The following GRID2 variants were observed in gnomAD, a reference collection of about 807,000 sequenced individuals.
The protein encoded by GRID2 is glutamate receptor ionotropic, delta-2.
A neutral mutation model predicts 114.8 loss-of-function variants in GRID2; 33 were observed. That is an observed-to-expected ratio of 0.29 (90% CI 0.22 to 0.38). The LOEUF is 0.38. GRID2 is among the 10% of genes least tolerant of loss of function. The pLI, the probability that GRID2 is intolerant of heterozygous loss-of-function variation, is 1.00. For synonymous variants in GRID2, 505 were observed against 449.9 expected, an observed-to-expected ratio of 1.12 and a Z score of -1.55; for missense variants, 1,184 against 1,257.7, an observed-to-expected ratio of 0.94 and a Z score of 0.89.
chr4:92,447,258 GA>G (rs2149074932), intron 1 of GRID2, among the ~76,000 whole-genome samples: 1 of 152,136 alleles, frequency 6.6e-6, no homozygotes, highest in Non-Finnish European at 1.5e-5. Context: ...TTCTATAAGT[GA>G]AAAAAACTAG....
At chr4:92,481,981 G>GAT (rs35103752) in intron 1 of GRID2, among the ~76,000 whole-genome samples, 510 of 46,556 alleles carry the variant, frequency 0.011, 2 homozygotes, top group Non-Finnish European at 0.014. Context: ...AATAAAATGT[G>GAT]ATATATATAT....
intron 12 of GRID2, among the ~76,000 whole-genome samples, chr4:93,498,973 G>A (rs1051470804): frequency 6.6e-6 from 1 of 151,728 alleles, no homozygotes; most frequent in Admixed American, 6.6e-5. Flanking sequence ...TTTTCCATGT[G>A]TTTTTCGTCA....
chr4:93,000,667 A>G (rs1242050703), intron 2 of GRID2, among the ~76,000 whole-genome samples: 1 of 151,576 alleles, frequency 6.6e-6, no homozygotes, highest in Non-Finnish European at 1.5e-5. Flanking sequence ...TTTACCTATA[A>G]TATTTTTCTA....
chr4:92,605,547 A>G (rs929723448), intron 2 of GRID2, among the ~76,000 whole-genome samples: 2 of 152,240 alleles, frequency 1.3e-5, no homozygotes, highest in Admixed American at 6.6e-5. Context: ...TTTAAAATCA[A>G]GGGCTCATTT....
chr4:92,502,845 A>G (rs1723756723), intron 1 of GRID2, among the ~76,000 whole-genome samples: 1 of 150,334 alleles, frequency 6.7e-6, no homozygotes, highest in Non-Finnish European at 1.5e-5. Flanking sequence ...AGCCTACTGA[A>G]TAGCTGGGAT....
At chr4:92,888,084 A>G (rs1746499578) in intron 2 of GRID2, among the ~76,000 whole-genome samples, 1 of 152,204 alleles carries the variant, frequency 6.6e-6, no homozygotes, top group South Asian at 2.1e-4. Flanking sequence ...TGCAGCCTAT[A>G]TGGTGTATGA....
chr4:93,722,101 G>A (rs1406678536), intron 14 of GRID2, among the ~76,000 whole-genome samples: 2 of 151,522 alleles, frequency 1.3e-5, no homozygotes, highest in Admixed American at 6.6e-5. Context: ...TGTATTTTTA[G>A]TAGAGATGGG....
chr4:93,227,616 T>A (rs1745644983), intron 7 of GRID2, among the ~76,000 whole-genome samples: 2 of 152,212 alleles, frequency 1.3e-5, no homozygotes, highest in Non-Finnish European at 2.9e-5. Flanking sequence ...AATCTATCTT[T>A]AAGTCGTTTA....
intron 8 of GRID2, among the ~76,000 whole-genome samples, chr4:93,242,710 G>A (rs559600380): frequency 9.6e-4 from 146 of 152,040 alleles, no homozygotes; most frequent in African/African-American, 3.5e-3. Context: ...TATGTTTGGG[G>A]AGAGAGAGAA....
At position 93,060,295 on chromosome 4, in the gene GRID2, A is replaced by G. The variant is rs541620423; in HGVS notation, c.245-24700A>G. ...ATTTGCTTTTTTGGAAAAATAAAAA[A>G]TTGGACTTTTCAAATGGTAAGGAAA... On this transcript the variant is annotated intron_variant, in intron 2 of 15. Transcript: ENST00000282020. Among the ~76,000 whole-genome samples the G allele has an allele frequency of 5.9e-5, 9 of 152,256 alleles. No individual in the cohort carries two copies. In the South Asian group the frequency reaches 1.9e-3, roughly 32 times the overall value.
intron 13 of GRID2, among the ~76,000 whole-genome samples, chr4:93,546,210 G>A (rs1257594059): frequency 2.0e-5 from 3 of 152,200 alleles, no homozygotes; most frequent in Non-Finnish European, 4.4e-5. Flanking sequence ...TTGGAGGAGT[G>A]AACTAAGACC....
intron 12 of GRID2, among the ~76,000 whole-genome samples, chr4:93,511,134 A>G (rs1578158152): frequency 6.6e-6 from 1 of 151,970 alleles, no homozygotes; most frequent in African/African-American, 2.4e-5. Context: ...ACAGGGTTTC[A>G]CCATGTTGGC....
At chr4:93,095,201 G>T (rs540064359) in intron 3 of GRID2, among the ~76,000 whole-genome samples, 1 of 151,960 alleles carries the variant, frequency 6.6e-6, no homozygotes, top group South Asian at 2.1e-4. Context: ...AGGTATACAT[G>T]TATCATGGTG....
chr4:92,942,834 A>C lies in GRID2; in HGVS notation c.245-142161A>C, dbSNP rs185261866. 7.4e-3 allele frequency among the ~76,000 whole-genome samples: 1,123 copies of C among 152,252 alleles called. 14 individuals carry two copies. The highest frequency in any genetic ancestry group is 0.026 in the African/African-American group (1,069 of 41,538). ...TATTTCTCCTTCGCTTATGAAGCTT[A>C]GTTTGGCTGGATATGAAATTCTGGG... On this transcript the variant is annotated intron_variant, in intron 2 of 15. Transcript: ENST00000282020.
intron 13 of GRID2, 94 bp downstream of exon 13, chr4:93,515,505 TG>T: frequency 1.2e-6 from 1 of 848,650 alleles, no homozygotes; most frequent in Non-Finnish European, 1.9e-6. Flanking sequence ...TTTTGTTTTT[TG>T]TTTTTTATCT....
chr4:93,782,739 G>A (rs1055524253), intron 1 of GRID2, among the ~76,000 whole-genome samples: 10 of 152,068 alleles, frequency 6.6e-5, no homozygotes, highest in African/African-American at 1.9e-4. Flanking sequence ...AAAAAATATC[G>A]TATATCAAAT....
Position 92,304,636 on chromosome 4 carries a change from A to C in GRID2, c.-21A>C. 1 of 1,573,328 alleles carries C rather than the reference A, an allele frequency of 6.4e-7. No individual in the cohort carries two copies. Among genetic ancestry groups the C allele is most frequent in the Non-Finnish European group, 8.7e-7 (1 of 1,143,270 alleles). Reference sequence around the variant, plus strand: ...AAATTGGAAGAAAATCCATCCTCCAAGAGAATCGGCATAGGAGGAGATGGA... The same window carrying C: ...AAATTGGAAGAAAATCCATCCTCCACGAGAATCGGCATAGGAGGAGATGGA... On this transcript the variant is annotated 5_prime_UTR_variant, in exon 1 of 16. Transcript: ENST00000282020.
At chr4:92,652,124 T>A (rs1731963661) in intron 2 of GRID2, among the ~76,000 whole-genome samples, 1 of 152,078 alleles carries the variant, frequency 6.6e-6, no homozygotes, top group Non-Finnish European at 1.5e-5. Context: ...GTGAGTCAGA[T>A]AACACTCAGT....
intron 2 of GRID2, among the ~76,000 whole-genome samples, chr4:92,802,799 A>T (rs1400830552): frequency 4.6e-5 from 7 of 151,906 alleles, no homozygotes; most frequent in Admixed American, 4.6e-4. Flanking sequence ...TGCCTCCACG[A>T]TATGTTGCTG....
Sources: allele counts gnomAD v4.1 joint callset (sites outside exome capture counted in the v4.1 genomes callset), GRCh38; gene constraint gnomAD v4.1.1; transcripts MANE v1.5; gene names NCBI Gene and HGNC (gene_info 2026-07-23, HGNC 2026-07-21).